Variants in IQGAP1 observed in about 807,000 individuals in gnomAD.
The protein encoded by IQGAP1 is ras GTPase-activating-like protein IQGAP1.
In IQGAP1, 66 loss-of-function variants were observed where a neutral mutation model predicts 215.6. The observed-to-expected ratio is 0.31, with a 90% CI of 0.25 to 0.38. The LOEUF is 0.38. Ranked by LOEUF, IQGAP1 falls within the 10% of genes least tolerant of loss-of-function variation. IQGAP1 has a pLI of 1.00. For missense variants in IQGAP1, 1,712 were observed against 1,997.1 expected (o/e 0.86, Z 2.72); for synonymous variants, 772 against 728.7 (o/e 1.06, Z -0.96).
chr15:90,429,517 T>C, intron 3 of IQGAP1, 72 bp from the exon 4 acceptor site: 1 of 1,169,820 alleles, frequency 8.5e-7, no homozygotes. Flanking sequence ...AGGAAACTTT[T>C]GCGAAGAGAG....
chr15:90,429,558 A>C, intron 3 of IQGAP1, 31 bp from the exon 4 acceptor site: 1 of 1,498,214 alleles, frequency 6.7e-7, no homozygotes, highest in Non-Finnish European at 9.1e-7. Context: ...CAATACAGCC[A>C]ATAATACCTA....
intron 23 of IQGAP1, among the ~76,000 whole-genome samples, chr15:90,475,018 T>A (rs1965958910): frequency 7.3e-6 from 1 of 136,078 alleles, no homozygotes. Flanking sequence ...TTTTTTTTGC[T>A]GACGGAGTTT....
intron 11 of IQGAP1, among the ~76,000 whole-genome samples, chr15:90,450,026 T>C (rs1476694720): frequency 6.6e-6 from 1 of 152,184 alleles, no homozygotes; most frequent in African/African-American, 2.4e-5. Flanking sequence ...AGTTCTTCTG[T>C]TTTGAACTAT....
rs539689580 is a variant in IQGAP1, at chr15:90,389,850, G to C, written c.56-924G>C. Among the ~76,000 whole-genome samples, 14 of 151,784 alleles carry C rather than the reference G, an allele frequency of 9.2e-5. No homozygotes were observed. The East Asian group carries it at 2.5e-3, about 27-fold the overall frequency. On this transcript the variant is annotated intron_variant, in intron 1 of 37. Transcript: ENST00000268182. Reference sequence around the variant, plus strand: ...CCCATGCCTGTGGTCCCAGCTGCTTGGGGCTGAGGTAGGAGGATCATTTGA... The same window carrying C: ...CCCATGCCTGTGGTCCCAGCTGCTTCGGGCTGAGGTAGGAGGATCATTTGA...
At chr15:90,411,296 G>A (rs1256845931) in intron 2 of IQGAP1, among the ~76,000 whole-genome samples, 2 of 145,396 alleles carry the variant, frequency 1.4e-5, no homozygotes, top group African/African-American at 2.6e-5. Flanking sequence ...CTTTTTTTTT[G>A]GAGACAGGGT....
chr15:90,404,248 C>T (rs148145259), intron 2 of IQGAP1, among the ~76,000 whole-genome samples: 45 of 152,256 alleles, frequency 3.0e-4, no homozygotes, highest in African/African-American at 1.1e-3. Flanking sequence ...GAGGTTGTAC[C>T]AGTTTGCACA....
chr15:90,482,006 G>C lies in IQGAP1; in HGVS notation c.3376G>C (p.Glu1126Gln), dbSNP rs773226704. ...VTPEQALAHE[E>Q]VKTRLDSSIR... is the part of the protein sequence containing the mutation. ...CCCTGAGCAGGCGCTAGCTCATGAA[G>C]AAGTGAAGACACGGCTAGACAGCTC... The change falls in exon 27 of 38, where the codon GAA becomes CAA. Residue 1126 changes from glutamate (E) to glutamine (Q), a missense_variant. Glu to Gln is a conservative substitution (Grantham distance 29). This residue lies in a region of IQGAP1 where 691 missense variants were observed against 923.0 expected (regional missense o/e 0.75). Transcript: ENST00000268182. The C allele has an allele frequency of 9.9e-6, 16 of 1,614,238 alleles. No homozygotes were observed. The highest frequency in any genetic ancestry group is 1.4e-5 in the Non-Finnish European group (16 of 1,180,046).
At chr15:90,467,280 A>G (rs184478759) in intron 17 of IQGAP1, among the ~76,000 whole-genome samples, 170 bp from the exon 18 acceptor site, 4 of 152,322 alleles carry the variant, frequency 2.6e-5, no homozygotes, top group African/African-American at 7.2e-5. Flanking sequence ...TTACAAAGCC[A>G]TAATTTAATG....
intron 12 of IQGAP1, 32 bp downstream of exon 12, chr15:90,452,970 CAAAGTTGGGTGG>C: frequency 6.2e-7 from 1 of 1,609,976 alleles, no homozygotes; most frequent in Non-Finnish European, 8.5e-7. Flanking sequence ...TGTTTGTGAG[CAAAGTTGGGTGG>C]ACGTGAGTGT....
chr15:90,403,433 CA>C (rs1197762306), intron 2 of IQGAP1, among the ~76,000 whole-genome samples: 12 of 152,194 alleles, frequency 7.9e-5, no homozygotes, highest in Admixed American at 2.6e-4. Context: ...AAATTTAAAA[CA>C]TTTTTTTCTT....
Position 90,465,285 on chromosome 15 carries a change from C to T in IQGAP1, c.1777-716C>T, listed in dbSNP as rs558003818. Reference sequence around the variant, plus strand: ...TAAAAACATTAGTAGTCATAGAGAACGTTAACTTCCTCTGAACATTGTTGG... The same window carrying T: ...TAAAAACATTAGTAGTCATAGAGAATGTTAACTTCCTCTGAACATTGTTGG... On this transcript the variant is annotated intron_variant, in intron 15 of 37. Coordinates refer to ENST00000268182, the MANE Select transcript of IQGAP1 (RefSeq NM_003870.4). 9.9e-5 allele frequency among the ~76,000 whole-genome samples: 15 copies of T among 152,270 alleles called. No homozygotes were observed. The East Asian group carries it at 2.7e-3, about 27-fold the overall frequency.
chr15:90,501,845 CA>C lies in IQGAP1; in HGVS notation c.*1739del, dbSNP rs1966345602. 1 of 152,160 alleles carries C rather than the reference CA, an allele frequency of 6.6e-6. No homozygotes were observed. Among genetic ancestry groups the C allele is most frequent in the Non-Finnish European group, 1.5e-5 (1 of 68,048 alleles). The allele number at this position is 152,160 out of a possible 1,614,324, so 9.4% of individuals were successfully genotyped here. A position where few individuals can be genotyped will look rare whatever the true frequency, so the allele number is the denominator to read the frequency against. ...GGCTATGAATCCCAAAGGCCACATC[CA>C]AGACAGGCAATAATGAGCAGAGTTT... On this transcript the variant is annotated 3_prime_UTR_variant, in exon 38 of 38. Coordinates refer to ENST00000268182, the MANE Select transcript of IQGAP1 (RefSeq NM_003870.4).
intron 12 of IQGAP1, 50 bp from the exon 13 acceptor site, chr15:90,453,081 CT>C (rs764312547): frequency 3.2e-6 from 5 of 1,568,074 alleles, no homozygotes; most frequent in Non-Finnish European, 4.3e-6. Context: ...CTCCCTGGGT[CT>C]TGGAGAATGT....
rs772180573 is a variant in IQGAP1, at chr15:90,448,537, A to G, written c.914-36A>G. 6 of 1,539,046 alleles carry G rather than the reference A, an allele frequency of 3.9e-6. No individual in the cohort carries two copies. In the East Asian group the frequency reaches 9.4e-5, roughly 24 times the overall value. ...AACTATTCTAGGCTCTTCTGTTAAC[A>G]TAGTCCTTTCACAAGCTTTTGCCTT... On this transcript the variant is annotated intron_variant, in intron 9 of 37. Transcript: ENST00000268182.
At chr15:90,398,132 C>T (rs1010303026) in intron 2 of IQGAP1, among the ~76,000 whole-genome samples, 15 of 151,510 alleles carry the variant, frequency 9.9e-5, no homozygotes, top group East Asian at 7.8e-4. Flanking sequence ...GTGATCCACC[C>T]GCCTTGGCCT....
At chr15:90,482,146 A>G (rs199832609) in intron 27 of IQGAP1, 46 bp downstream of exon 27, 10 of 1,614,152 alleles carry the variant, frequency 6.2e-6, no homozygotes, top group Non-Finnish European at 7.6e-6. Context: ...CCCAGCACTA[A>G]GTGCCTTTCT....
chr15:90,430,388 T>A (rs1965285273), intron 4 of IQGAP1, among the ~76,000 whole-genome samples: 1 of 152,194 alleles, frequency 6.6e-6, no homozygotes, highest in African/African-American at 2.4e-5. Context: ...TTATCCGAAG[T>A]AAATAATCAG....
intron 33 of IQGAP1, among the ~76,000 whole-genome samples, chr15:90,490,643 A>G (rs941982534): frequency 2.0e-5 from 3 of 152,176 alleles, no homozygotes; most frequent in Non-Finnish European, 4.4e-5. Flanking sequence ...GTATAGTTAT[A>G]ACATTTATAC....
At chr15:90,469,761 C>A (rs1173269496) in intron 18 of IQGAP1, among the ~76,000 whole-genome samples, 1 of 151,932 alleles carries the variant, frequency 6.6e-6, no homozygotes, top group Non-Finnish European at 1.5e-5. Context: ...AAAGGCTGTT[C>A]TAGACAGAAA....
Sources: allele counts gnomAD v4.1 joint callset (sites outside exome capture counted in the v4.1 genomes callset), GRCh38; gene constraint gnomAD v4.1.1; regional missense constraint gnomAD v4.1.1; transcripts MANE v1.5; gene names NCBI Gene and HGNC (gene_info 2026-07-23, HGNC 2026-07-21).